The following ADAMTS6 variants were observed in gnomAD, a reference collection of about 807,000 sequenced individuals.
ADAMTS6 encodes the protein ADAM metallopeptidase with thrombospondin type 1 motif 6, also known as A disintegrin and metalloproteinase with thrombospondin motifs 6.
In ADAMTS6, 23 loss-of-function variants were observed where a neutral mutation model predicts 144.3. The observed-to-expected ratio is 0.16, with a 90% CI of 0.11 to 0.23. The LOEUF is 0.23. ADAMTS6 is among the 10% of genes least tolerant of loss of function. The probability of loss-of-function intolerance (pLI) is 1.00; values close to 1 mark genes in which losing one functional copy is unlikely to be tolerated. For synonymous variants in ADAMTS6, 444 were observed against 457.5 expected, an observed-to-expected ratio of 0.97 and a Z score of 0.38; for missense variants, 999 against 1,379.6, an observed-to-expected ratio of 0.72 and a Z score of 4.37.
chr5:65,255,678 C>T (rs57202672), intron 14 of ADAMTS6, among the ~76,000 whole-genome samples: 34,624 of 151,516 alleles, frequency 0.23, 4,252 homozygotes, highest in African/African-American at 0.31. Context: ...ATGTTCCCCT[C>T]TCTCATAGAA....
chr5:65,376,988 G>T (rs894356939), intron 7 of ADAMTS6, among the ~76,000 whole-genome samples: 1 of 151,928 alleles, frequency 6.6e-6, no homozygotes, highest in African/African-American at 2.4e-5. Flanking sequence ...AGGGGTGAGA[G>T]TATCCCCCCT....
At chr5:65,323,477 A>C (rs1447317327) in intron 9 of ADAMTS6, among the ~76,000 whole-genome samples, 3 of 151,968 alleles carry the variant, frequency 2.0e-5, no homozygotes, top group Non-Finnish European at 1.5e-5. Flanking sequence ...ATAGTATTCC[A>C]TGGTGCATAT....
intron 7 of ADAMTS6, among the ~76,000 whole-genome samples, chr5:65,389,884 C>T (rs565030839): frequency 6.6e-6 from 1 of 151,962 alleles, no homozygotes; most frequent in Non-Finnish European, 1.5e-5. Flanking sequence ...TAAAGAGAAA[C>T]CTTTAATGGC....
chr5:65,363,177 T>G (rs1414937816), intron 7 of ADAMTS6, among the ~76,000 whole-genome samples: 3 of 152,174 alleles, frequency 2.0e-5, no homozygotes, highest in Non-Finnish European at 2.9e-5. Flanking sequence ...GATATAATTC[T>G]CACGTAAATA....
At chr5:65,227,681 C>T (rs1381901238) in intron 15 of ADAMTS6, among the ~76,000 whole-genome samples, 7 of 152,128 alleles carry the variant, frequency 4.6e-5, no homozygotes, top group African/African-American at 1.7e-4. Flanking sequence ...AAATTAGAGA[C>T]AGCACATTCC....
chr5:65,224,875 C>G (rs1379034380), intron 17 of ADAMTS6, 49 bp downstream of exon 17: 4 of 1,543,366 alleles, frequency 2.6e-6, no homozygotes, highest in Non-Finnish European at 1.7e-6. Context: ...GGTTTTGGCT[C>G]CTCCAAGTAC....
intron 7 of ADAMTS6, among the ~76,000 whole-genome samples, chr5:65,346,045 T>C (rs1295243703): frequency 6.6e-6 from 1 of 151,882 alleles, no homozygotes; most frequent in African/African-American, 2.4e-5. Context: ...TTCTGCTGCA[T>C]CCAATTTTGA....
chr5:65,225,963 T>C (rs1157377803), intron 16 of ADAMTS6, 123 bp downstream of exon 16: 64 of 1,059,518 alleles, frequency 6.0e-5, no homozygotes, highest in South Asian at 5.4e-5. Flanking sequence ...TTAATGGAAA[T>C]TGAATTTCTC....
intron 12 of ADAMTS6, among the ~76,000 whole-genome samples, chr5:65,266,085 A>G (rs1761609385): frequency 6.6e-6 from 1 of 151,794 alleles, no homozygotes; most frequent in African/African-American, 2.4e-5. Flanking sequence ...AGGTTTTTTC[A>G]TTTGTCAGGT....
intron 3 of ADAMTS6, among the ~76,000 whole-genome samples, chr5:65,463,633 C>A (rs756504969): frequency 6.6e-5 from 10 of 152,138 alleles, no homozygotes; most frequent in Non-Finnish European, 1.0e-4. Context: ...CCAAACCTCA[C>A]CCCCTGAATT....
rs72760571 is a variant in ADAMTS6, at chr5:65,395,298, C to T, written c.1073+56177G>A. The stretch of plus-strand genomic sequence containing the variant: ...ACTCTGGATAATCACTAAAGACTAT[C>T]CCAAGGACTAGTCTCAGGAGCCTTG... On this transcript the variant is annotated intron_variant, in intron 7 of 24. Coordinates refer to ENST00000381055, the MANE Select transcript of ADAMTS6 (RefSeq NM_197941.4). Among the ~76,000 whole-genome samples, 1,310 of 151,898 alleles carry T rather than the reference C, an allele frequency of 8.6e-3. 9 individuals carry two copies. The highest frequency in any genetic ancestry group is 0.014 in the Non-Finnish European group (972 of 68,012).
At chr5:65,223,801 A>AT (rs774556245) in intron 18 of ADAMTS6, among the ~76,000 whole-genome samples, 39,305 of 137,844 alleles carry the variant, frequency 0.29, 6,427 homozygotes, top group African/African-American at 0.46. Flanking sequence ...TGAGATAGTG[A>AT]TTTTTTTTTT....
intron 7 of ADAMTS6, among the ~76,000 whole-genome samples, chr5:65,443,741 G>A (rs1201027799): frequency 6.7e-6 from 1 of 149,266 alleles, no homozygotes; most frequent in Non-Finnish European, 1.5e-5. Context: ...TTCAGAAAAG[G>A]CATTTGGTAA....
intron 7 of ADAMTS6, among the ~76,000 whole-genome samples, chr5:65,340,764 C>T (rs909442311): frequency 6.6e-6 from 1 of 151,242 alleles, no homozygotes; most frequent in African/African-American, 2.4e-5. Context: ...CCATGCAAAC[C>T]GAAACCAAAA....
At chr5:65,186,433 A>G (rs1754678222) in intron 22 of ADAMTS6, among the ~76,000 whole-genome samples, 1 of 152,210 alleles carries the variant, frequency 6.6e-6, no homozygotes, top group African/African-American at 2.4e-5. Flanking sequence ...TGCCTATCCC[A>G]GTATGTTTAG....
chr5:65,420,323 A>G (rs1258289522), intron 7 of ADAMTS6, among the ~76,000 whole-genome samples: 2 of 152,180 alleles, frequency 1.3e-5, no homozygotes, highest in African/African-American at 2.4e-5. Flanking sequence ...AACCATATCA[A>G]TACTGAAACC....
intron 10 of ADAMTS6, among the ~76,000 whole-genome samples, chr5:65,298,242 G>C (rs1256270207): frequency 6.6e-6 from 1 of 152,018 alleles, no homozygotes; most frequent in Admixed American, 6.6e-5. Flanking sequence ...CAAATGAGCT[G>C]TGCAATATAG....
intron 22 of ADAMTS6, among the ~76,000 whole-genome samples, chr5:65,174,476 A>G (rs894674102): frequency 6.6e-6 from 1 of 152,172 alleles, no homozygotes; most frequent in Non-Finnish European, 1.5e-5. Flanking sequence ...TCGCCAGAGG[A>G]GCACGTGGCA....
intron 7 of ADAMTS6, among the ~76,000 whole-genome samples, chr5:65,396,764 G>A (rs889934618): frequency 6.6e-6 from 1 of 152,182 alleles, no homozygotes; most frequent in Non-Finnish European, 1.5e-5. Flanking sequence ...AAGAATGTTT[G>A]CATCTATGCT....
Sources: allele counts gnomAD v4.1 joint callset (sites outside exome capture counted in the v4.1 genomes callset), GRCh38; gene constraint gnomAD v4.1.1; transcripts MANE v1.5; gene names NCBI Gene and HGNC (gene_info 2026-07-23, HGNC 2026-07-21).